ADGRL3: variants seen among roughly 807,000 people sequenced by gnomAD.
ADGRL3 encodes the protein calcium-independent alpha-latrotoxin receptor 3.
A neutral mutation model predicts 153.5 loss-of-function variants in ADGRL3; 62 were observed. The ratio of observed to expected loss-of-function variants is 0.40; its 90% CI spans 0.33 to 0.50. The LOEUF is 0.50. Ranked by LOEUF, ADGRL3 falls within the 20% of genes least tolerant of loss-of-function variation. ADGRL3 has a pLI of 0.47. For synonymous variants in ADGRL3, 710 were observed against 672.5 expected (o/e 1.06, Z -0.86); for missense variants, 1,641 against 1,859.4 (o/e 0.88, Z 2.16).
chr4:61,251,020 G>A (rs1459832789), intron 1 of ADGRL3, among the ~76,000 whole-genome samples: 1 of 152,114 alleles, frequency 6.6e-6, no homozygotes. Flanking sequence ...TAGAGTGATA[G>A]TCCATTTATA....
intron 2 of ADGRL3, among the ~76,000 whole-genome samples, chr4:61,469,296 T>G (rs2097917967): frequency 6.6e-6 from 1 of 152,112 alleles, no homozygotes; most frequent in South Asian, 2.1e-4. Context: ...TAAAGTCAAC[T>G]GATAATAACA....
At chr4:61,366,894 T>C (rs1209239231) in intron 1 of ADGRL3, among the ~76,000 whole-genome samples, 2 of 152,188 alleles carry the variant, frequency 1.3e-5, no homozygotes, top group East Asian at 1.9e-4. Flanking sequence ...ACTGTGAATG[T>C]CCTGGTAGTA....
rs528479093 is a variant in ADGRL3, at chr4:61,767,237, A to G, written c.1399+33683A>G. Among the ~76,000 whole-genome samples, 32 of 152,154 alleles carry G rather than the reference A, an allele frequency of 2.1e-4. 1 individual carries two copies. The highest frequency in any genetic ancestry group is 7.5e-4 in the African/African-American group (31 of 41,438). ...ATATAGCTGTAGTCCAGGAATAGTC[A>G]GGGAAGCAGATAATTTAGTTAAAGT... On this transcript the variant is annotated intron_variant, in intron 8 of 26. Transcript: ENST00000683033.
chr4:61,916,601 T>C (rs1020326242), intron 13 of ADGRL3, among the ~76,000 whole-genome samples: 1 of 152,204 alleles, frequency 6.6e-6, no homozygotes, highest in African/African-American at 2.4e-5. Flanking sequence ...GCACTGATGG[T>C]ACCATTGCTT....
intron 9 of ADGRL3, among the ~76,000 whole-genome samples, chr4:61,880,831 A>G (rs1189937882): frequency 6.6e-6 from 1 of 152,202 alleles, no homozygotes; most frequent in Non-Finnish European, 1.5e-5. Context: ...AATTACTTGA[A>G]AAAAATGAAA....
At chr4:61,760,485 C>T (rs1400450539) in intron 8 of ADGRL3, among the ~76,000 whole-genome samples, 1 of 151,426 alleles carries the variant, frequency 6.6e-6, no homozygotes, top group African/African-American at 2.4e-5. Flanking sequence ...TCCTGGTGTG[C>T]CATTTGCTAA....
chr4:61,895,677 G>A (rs2098626556), intron 10 of ADGRL3, 54 bp from the exon 11 acceptor site: 3 of 874,260 alleles, frequency 3.4e-6, no homozygotes, highest in Admixed American at 2.4e-5. Context: ...ATATACCATG[G>A]ATGTGAAGTC....
intron 2 of ADGRL3, among the ~76,000 whole-genome samples, chr4:61,423,596 A>G (rs1175858166): frequency 6.6e-6 from 1 of 152,176 alleles, no homozygotes; most frequent in Admixed American, 6.5e-5. Flanking sequence ...AAGTAGTGGA[A>G]AGGGACTAGG....
intron 6 of ADGRL3, among the ~76,000 whole-genome samples, chr4:61,711,860 T>A (rs568922413): frequency 6.6e-6 from 1 of 152,114 alleles, no homozygotes; most frequent in East Asian, 1.9e-4. Flanking sequence ...TCAATATATA[T>A]GGAGAAAACT....
intron 9 of ADGRL3, among the ~76,000 whole-genome samples, chr4:61,855,351 C>T (rs1304822921): frequency 6.6e-6 from 1 of 152,042 alleles, no homozygotes; most frequent in Non-Finnish European, 1.5e-5. Flanking sequence ...ATATCAGATT[C>T]ATGTAGTTGA....
intron 1 of ADGRL3, among the ~76,000 whole-genome samples, chr4:61,306,610 G>A (rs72614720): frequency 0.13 from 19,611 of 152,138 alleles, 1,442 homozygotes; most frequent in South Asian, 0.27. Flanking sequence ...GATGTGCAAT[G>A]TCTTTCTGGA....
intron 13 of ADGRL3, among the ~76,000 whole-genome samples, chr4:61,928,532 C>T (rs2098804114): frequency 6.6e-6 from 1 of 152,054 alleles, no homozygotes. Context: ...TTCAACAGTG[C>T]CTTACCTAGG....
chr4:61,373,479 A>C (rs569530194), intron 1 of ADGRL3, among the ~76,000 whole-genome samples: 1 of 152,336 alleles, frequency 6.6e-6, no homozygotes, highest in African/African-American at 2.4e-5. Context: ...GGGGGAAAGT[A>C]GAAAAAATGT....
chr4:61,587,149 T>C (rs2098949745), intron 4 of ADGRL3, 78 bp from the exon 5 acceptor site: 1 of 885,898 alleles, frequency 1.1e-6, no homozygotes, highest in Non-Finnish European at 1.7e-6. Context: ...ACCCCAAACA[T>C]TGGAAAAGCG....
intron 8 of ADGRL3, among the ~76,000 whole-genome samples, chr4:61,746,935 G>C (rs2096670786): frequency 1.3e-5 from 2 of 151,982 alleles, no homozygotes; most frequent in South Asian, 2.1e-4. Context: ...TTTTTGAAAG[G>C]ATCAACAAAA....
intron 8 of ADGRL3, among the ~76,000 whole-genome samples, chr4:61,757,801 A>C (rs890388050): frequency 5.3e-5 from 8 of 152,186 alleles, no homozygotes; most frequent in Non-Finnish European, 1.2e-4. Flanking sequence ...AATGTGTCCC[A>C]GAGATTCTGG....
At chr4:61,879,262 C>T (rs919509311) in intron 9 of ADGRL3, among the ~76,000 whole-genome samples, 1 of 152,178 alleles carries the variant, frequency 6.6e-6, no homozygotes, top group African/African-American at 2.4e-5. Context: ...GGGCAGATTT[C>T]CCTAAGCAAT....
chr4:61,793,229 C>A (rs1485229853), intron 8 of ADGRL3, among the ~76,000 whole-genome samples: 1 of 151,968 alleles, frequency 6.6e-6, no homozygotes, highest in Non-Finnish European at 1.5e-5. Flanking sequence ...TCAAGACCAT[C>A]CTGGCTAACA....
At chr4:61,484,945 T>A (rs2098173115) in intron 2 of ADGRL3, among the ~76,000 whole-genome samples, 1 of 152,200 alleles carries the variant, frequency 6.6e-6, no homozygotes, top group Admixed American at 6.5e-5. Context: ...AATGTGTCTT[T>A]GTAAACTTAC....
Sources: allele counts gnomAD v4.1 joint callset (sites outside exome capture counted in the v4.1 genomes callset), GRCh38; gene constraint gnomAD v4.1.1; transcripts MANE v1.5; gene names NCBI Gene and HGNC (gene_info 2026-07-23, HGNC 2026-07-21).